Variants in GALNT14 observed in about 807,000 individuals in gnomAD.
GALNT14 encodes polypeptide N-acetylgalactosaminyltransferase 14.
In GALNT14, 60 loss-of-function variants were observed where a neutral mutation model predicts 77.5. That is an observed-to-expected ratio of 0.77 (90% CI 0.63 to 0.96). The LOEUF (loss-of-function observed/expected upper bound fraction) is 0.96, where lower values mean the gene tolerates loss of function less well. GALNT14 is among the 40% of genes least tolerant of loss of function. The pLI is 0.00. For missense variants in GALNT14, 710 were observed against 731.0 expected, an observed-to-expected ratio of 0.97 and a Z score of 0.33; for synonymous variants, 280 against 281.7, an observed-to-expected ratio of 0.99 and a Z score of 0.06.
chr2:30,985,346 C>T (rs566559859), intron 2 of GALNT14, among the ~76,000 whole-genome samples: 2 of 152,280 alleles, frequency 1.3e-5, no homozygotes, highest in South Asian at 2.1e-4. Flanking sequence ...AAAAAACAGG[C>T]ACTCAAAGAA....
At chr2:30,902,920 T>C in the GALNT14 span, among the ~76,000 whole-genome samples, 380 of 152,232 alleles carry the variant, frequency 2.5e-3, 13 homozygotes, top group South Asian at 0.032. Context: ...AACATGCCTG[T>C]TCTCATTCTT....
chr2:30,996,570 TATTCACACCAG>T (rs1313153584), intron 1 of GALNT14, among the ~76,000 whole-genome samples: 1 of 152,200 alleles, frequency 6.6e-6, no homozygotes, highest in Non-Finnish European at 1.5e-5. Flanking sequence ...CTCTACTCTC[TATTCACACCAG>T]ATAGAGGCAT....
At chr2:31,062,173 C>T (rs1674640420) in intron 1 of GALNT14, among the ~76,000 whole-genome samples, 3 of 152,048 alleles carry the variant, frequency 2.0e-5, no homozygotes, top group Admixed American at 6.6e-5. Flanking sequence ...TTTTAAGCAC[C>T]GCATGCATTA....
intron 1 of GALNT14, among the ~76,000 whole-genome samples, chr2:31,069,052 AAAGAT>A (rs1675174085): frequency 6.6e-6 from 1 of 152,218 alleles, no homozygotes; most frequent in Non-Finnish European, 1.5e-5. Context: ...TTTGGAGGTC[AAAGAT>A]GTTCTAAAAT....
chr2:31,028,936 A>G (rs1181385246), intron 1 of GALNT14, among the ~76,000 whole-genome samples: 5 of 152,186 alleles, frequency 3.3e-5, no homozygotes, highest in Admixed American at 3.3e-4. Context: ...TTCAAAAACC[A>G]AAAAAGCTGC....
chr2:30,989,653 T>TAAAAA (rs1265007600), intron 2 of GALNT14, among the ~76,000 whole-genome samples: 88 of 131,830 alleles, frequency 6.7e-4, no homozygotes, highest in African/African-American at 2.6e-3. Flanking sequence ...TTAGTATATA[T>TAAAAA]TAAAATATAT....
chr2:31,095,551 G>C (rs752060939), intron 1 of GALNT14, among the ~76,000 whole-genome samples: 8 of 151,966 alleles, frequency 5.3e-5, no homozygotes, highest in Non-Finnish European at 1.2e-4. Flanking sequence ...CTACTCATCA[G>C]GACACTAGAT....
At chr2:30,971,025 C>T (rs530770717) in intron 2 of GALNT14, among the ~76,000 whole-genome samples, 22 of 151,994 alleles carry the variant, frequency 1.4e-4, no homozygotes, top group Admixed American at 1.3e-3. Flanking sequence ...GTGAACTCAC[C>T]GGGGTTCAAG....
chr2:30,935,320 G>A (rs1289668085), intron 9 of GALNT14, among the ~76,000 whole-genome samples: 1 of 152,194 alleles, frequency 6.6e-6, no homozygotes, highest in African/African-American at 2.4e-5. Context: ...CAGTAGAGCT[G>A]TGGATGCAAA....
chr2:30,943,603 C>T, intron 8 of GALNT14, among the ~76,000 whole-genome samples: 1 of 152,212 alleles, frequency 6.6e-6, no homozygotes, highest in East Asian at 1.9e-4. Context: ...ATGGGAGCTG[C>T]ACAGCATCAC....
intron 2 of GALNT14, among the ~76,000 whole-genome samples, chr2:30,973,192 G>A (rs1241990910): frequency 2.0e-5 from 3 of 152,326 alleles, no homozygotes; most frequent in African/African-American, 7.2e-5. Flanking sequence ...AGAGCTCTCT[G>A]TCCCCATGGA....
intron 1 of GALNT14, among the ~76,000 whole-genome samples, chr2:31,060,343 C>T (rs1357979432): frequency 1.3e-5 from 2 of 152,174 alleles, no homozygotes; most frequent in South Asian, 2.1e-4. Context: ...CACACACAAG[C>T]CTACCACCAA....
chr2:30,909,969 C>G (rs1183979053), downstream of GALNT14, among the ~76,000 whole-genome samples: 2 of 149,036 alleles, frequency 1.3e-5, no homozygotes, highest in African/African-American at 2.5e-5. Flanking sequence ...AACAAAAAAC[C>G]AAACACCACA....
chr2:31,116,998 T>C (rs1173595072), intron 1 of GALNT14, among the ~76,000 whole-genome samples: 1 of 151,830 alleles, frequency 6.6e-6, no homozygotes, highest in Admixed American at 6.6e-5. Context: ...GATCACGCCA[T>C]TGCACTCCAG....
At position 30,913,077 on chromosome 2, in the gene GALNT14, G is replaced by T. The variant is rs1664469542; in HGVS notation, c.1381-735C>A. Among the ~76,000 whole-genome samples, 4 of 152,110 alleles carry T rather than the reference G, an allele frequency of 2.6e-5. No homozygotes were observed. In the South Asian group the frequency reaches 8.3e-4, roughly 32 times the overall value. The stretch of plus-strand genomic sequence containing the variant: ...AAGGGCATGCTGTGTCATTCATTAT[G>T]AGGAATGATTCCAACATTTTTCCTC... On this transcript the variant is annotated intron_variant, in intron 13 of 14. Coordinates refer to ENST00000349752, the MANE Select transcript of GALNT14 (RefSeq NM_024572.4).
At chr2:31,083,517 C>T (rs538262918) in intron 1 of GALNT14, among the ~76,000 whole-genome samples, 5 of 152,222 alleles carry the variant, frequency 3.3e-5, no homozygotes, top group African/African-American at 9.6e-5. Flanking sequence ...AGGATCTGGC[C>T]GTGTCTGGGT....
At chr2:30,922,640 G>A (rs1665101778) in intron 13 of GALNT14, among the ~76,000 whole-genome samples, 2 of 152,148 alleles carry the variant, frequency 1.3e-5, no homozygotes, top group Non-Finnish European at 1.5e-5. Context: ...TTCCAAGTCC[G>A]GTTGGAAATC....
chr2:30,950,851 AG>A (rs1191827548), intron 6 of GALNT14, among the ~76,000 whole-genome samples: 7 of 152,236 alleles, frequency 4.6e-5, no homozygotes, highest in Non-Finnish European at 5.9e-5. Context: ...CCAGCAGGTA[AG>A]GCTGGCCATG....
intron 1 of GALNT14, among the ~76,000 whole-genome samples, chr2:31,106,772 C>T (rs1237266180): frequency 1.3e-5 from 2 of 151,820 alleles, no homozygotes; most frequent in African/African-American, 4.9e-5. Context: ...TGACATTCTT[C>T]CCCCTAATAT....
Sources: allele counts gnomAD v4.1 joint callset (sites outside exome capture counted in the v4.1 genomes callset), GRCh38; gene constraint gnomAD v4.1.1; transcripts MANE v1.5; gene names NCBI Gene and HGNC (gene_info 2026-07-23, HGNC 2026-07-21).